Variants in CDHR3 observed in about 807,000 individuals in gnomAD.
CDHR3 encodes the protein cadherin-related family member 3.
In CDHR3, 79 loss-of-function variants were observed where a neutral mutation model predicts 86.6. The ratio of observed to expected loss-of-function variants is 0.91; its 90% CI spans 0.76 to 1.10. CDHR3 has a LOEUF of 1.10. CDHR3 is among the 50% of genes least tolerant of loss of function. CDHR3 has a pLI of 0.00. For synonymous variants in CDHR3, 421 were observed against 402.4 expected, an observed-to-expected ratio of 1.05 and a Z score of -0.55; for missense variants, 1,081 against 1,077.6, an observed-to-expected ratio of 1.00 and a Z score of -0.04.
intron 1 of CDHR3, among the ~76,000 whole-genome samples, chr7:105,965,570 C>CCCCCA (rs1554507742): frequency 9.0e-6 from 1 of 110,826 alleles, no homozygotes; most frequent in Non-Finnish European, 2.0e-5. Flanking sequence ...AAGCCCCACC[C>CCCCCA]CCCCCCATGG....
chr7:105,964,264 C>T lies in CDHR3; in HGVS notation c.46+900C>T, dbSNP rs569598625. 1.2e-4 allele frequency among the ~76,000 whole-genome samples: 19 copies of T among 152,032 alleles called. No homozygotes were observed. In the East Asian group the frequency reaches 3.5e-3, roughly 28 times the overall value. On this transcript the variant is annotated intron_variant, in intron 1 of 18. Coordinates refer to ENST00000317716, the MANE Select transcript of CDHR3 (RefSeq NM_152750.5). ...GTTATTTCTAGTTCTTTTACTTTTT[C>T]TTTTTTTACATTTGTAAATGGAATC... is the stretch of plus-strand genomic sequence containing the variant.
intron 4 of CDHR3, among the ~76,000 whole-genome samples, chr7:105,990,394 TCCTC>T (rs1831178924): frequency 6.6e-6 from 1 of 152,136 alleles, no homozygotes; most frequent in Admixed American, 6.6e-5. Context: ...TAGGCACTCT[TCCTC>T]CTTCCTCCTC....
intron 8 of CDHR3, among the ~76,000 whole-genome samples, chr7:106,010,004 G>A (rs535819822): frequency 1.3e-5 from 2 of 152,298 alleles, no homozygotes; most frequent in South Asian, 4.2e-4. Flanking sequence ...GCGTTTAGGG[G>A]AAGAATACCA....
chr7:106,014,640 A>C (rs1008780004), intron 9 of CDHR3, among the ~76,000 whole-genome samples: 1 of 152,188 alleles, frequency 6.6e-6, no homozygotes, highest in Non-Finnish European at 1.5e-5. Flanking sequence ...TCTAAAAAAC[A>C]ATAAAGAAAA....
chr7:106,018,964 C>T (rs60241735), intron 12 of CDHR3, among the ~76,000 whole-genome samples: 49 of 152,202 alleles, frequency 3.2e-4, no homozygotes, highest in African/African-American at 1.0e-3. Flanking sequence ...TGCCACACCT[C>T]GAGTTGCAGG....
intron 2 of CDHR3, among the ~76,000 whole-genome samples, chr7:105,979,488 C>T (rs761415765): frequency 6.6e-6 from 1 of 152,172 alleles, no homozygotes; most frequent in African/African-American, 2.4e-5. Context: ...TAATACCTAC[C>T]AACTCCTCTA....
chr7:105,990,346 T>TG (rs1831168134), intron 4 of CDHR3, among the ~76,000 whole-genome samples: 1 of 152,206 alleles, frequency 6.6e-6, no homozygotes, highest in South Asian at 2.1e-4. Flanking sequence ...GTTAAGGACT[T>TG]GCAGTGGGTA....
At chr7:106,011,563 G>A (rs935329797) in intron 8 of CDHR3, among the ~76,000 whole-genome samples, 6 of 152,072 alleles carry the variant, frequency 3.9e-5, no homozygotes, top group African/African-American at 7.2e-5. Flanking sequence ...AACTAAAACC[G>A]AAAGGACTGT....
chr7:105,985,383 G>A (rs1830381943), intron 4 of CDHR3, among the ~76,000 whole-genome samples: 1 of 152,178 alleles, frequency 6.6e-6, no homozygotes, highest in South Asian at 2.1e-4. Flanking sequence ...TAACCTTGGA[G>A]CAGGAAACAC....
Position 106,001,611 on chromosome 7 carries a change from G to A in CDHR3, c.862+1G>A, listed in dbSNP as rs759339764. 3.7e-6 allele frequency: 6 copies of A among 1,613,750 alleles called. No homozygotes were observed. Among genetic ancestry groups the A allele is most frequent in the African/African-American group, 1.3e-5 (1 of 74,900 alleles). On this transcript the variant is annotated splice_donor_variant, in intron 7 of 18. Coordinates refer to ENST00000317716, the MANE Select transcript of CDHR3 (RefSeq NM_152750.5). LOFTEE classifies it high-confidence loss of function. ...AGCAAATATTTCATGATAAATCAGT[G>A]TAAGCCACTCACTTCCATCCTTAAG...
At chr7:105,978,335 G>A (rs1227128443) in intron 2 of CDHR3, among the ~76,000 whole-genome samples, 1 of 152,204 alleles carries the variant, frequency 6.6e-6, no homozygotes, top group Non-Finnish European at 1.5e-5. Context: ...CTGAAGTCCT[G>A]TGGAGGCCAG....
chr7:106,013,271 A>AT (rs1835088674), intron 9 of CDHR3, among the ~76,000 whole-genome samples: 1 of 152,238 alleles, frequency 6.6e-6, no homozygotes, highest in Non-Finnish European at 1.5e-5. Flanking sequence ...TTCCTTGCAT[A>AT]GCATGCAGTT....
Position 106,032,514 on chromosome 7 carries a change from T to C in CDHR3, c.2475T>C (p.Thr825=). Residue 825 remains threonine (T), a synonymous_variant, in exon 19 of 19, where the codon ACT becomes ACC. Coordinates refer to ENST00000317716, the MANE Select transcript of CDHR3 (RefSeq NM_152750.5). ...SHQGAAPRRV[T]AGEGMGSLRS... is the part of the protein sequence containing the mutation. ...AGGGAGCTGCCCCACGCAGAGTCAC[T>C]GCTGGGGAAGGGATGGGGTCACTGA... 6.2e-7 allele frequency: 1 copy of C among 1,613,946 alleles called. No individual in the cohort carries two copies. The highest frequency in any genetic ancestry group is 8.5e-7 in the Non-Finnish European group (1 of 1,179,866).
rs1828583970 is a variant in CDHR3, at chr7:105,975,036, C to G, written c.239C>G (p.Thr80Ser). 1.9e-6 allele frequency: 3 copies of G among 1,613,580 alleles called. No homozygotes were observed. Among genetic ancestry groups the G allele is most frequent in the Non-Finnish European group, 2.5e-6 (3 of 1,179,542 alleles). The change falls in exon 2 of 19, where the codon ACC (threonine) becomes AGC (serine). Residue 80 changes from threonine (T) to serine (S), a missense_variant. Transcript: ENST00000317716. Reference sequence around the variant, plus strand: ...TTTAGGGTGAATTGGCTGTCAGGCACCTACTTTGAGGTAAGTAACAACTTA... The same window carrying G: ...TTTAGGGTGAATTGGCTGTCAGGCAGCTACTTTGAGGTAAGTAACAACTTA... ...EAFRVNWLSGTYFEVVTTGME... is the reference protein window; with the variant it reads ...EAFRVNWLSGSYFEVVTTGME...
At chr7:105,985,081 G>A (rs1442399169) in intron 4 of CDHR3, among the ~76,000 whole-genome samples, 1 of 151,672 alleles carries the variant, frequency 6.6e-6, no homozygotes, top group African/African-American at 2.4e-5. Flanking sequence ...AAAAAATTAA[G>A]GAGTCCCCAG....
intron 1 of CDHR3, among the ~76,000 whole-genome samples, chr7:105,967,227 T>C (rs549304272): frequency 9.2e-5 from 14 of 152,214 alleles, no homozygotes; most frequent in Non-Finnish European, 1.6e-4. Flanking sequence ...GTCCTTGCGA[T>C]AGTTTGCTAA....
intron 3 of CDHR3, among the ~76,000 whole-genome samples, chr7:105,983,955 A>G (rs1830162104): frequency 6.6e-6 from 1 of 152,138 alleles, no homozygotes; most frequent in Non-Finnish European, 1.5e-5. Context: ...TCAACAGAGG[A>G]CATGAATGAA....
At chr7:106,013,087 A>G in intron 9 of CDHR3, 56 bp downstream of exon 9, 7 of 1,478,330 alleles carry the variant, frequency 4.7e-6, no homozygotes, top group Non-Finnish European at 6.3e-6. Flanking sequence ...TCCAACATGC[A>G]TCATGCTTTT....
chr7:105,981,250 G>A, intron 3 of CDHR3, 117 bp downstream of exon 3: 1 of 937,166 alleles, frequency 1.1e-6, no homozygotes. Flanking sequence ...GGAAAAGGCA[G>A]CTGCTTAATG....
Sources: allele counts gnomAD v4.1 joint callset (sites outside exome capture counted in the v4.1 genomes callset), GRCh38; gene constraint gnomAD v4.1.1; transcripts MANE v1.5; gene names NCBI Gene and HGNC (gene_info 2026-07-23, HGNC 2026-07-21).